STAMBPL1: variants seen among roughly 807,000 people sequenced by gnomAD.
STAMBPL1 encodes the protein AMSH-like protease.
Under a neutral mutation model 52.9 loss-of-function variants are expected in STAMBPL1, and 44 were observed. The ratio of observed to expected loss-of-function variants is 0.83; its 90% CI spans 0.65 to 1.07. STAMBPL1 has a LOEUF of 1.07. STAMBPL1 is among the 50% of genes least tolerant of loss of function. STAMBPL1 has a pLI of 0.00. For synonymous variants in STAMBPL1, 164 were observed against 177.3 expected, an observed-to-expected ratio of 0.92 and a Z score of 0.60; for missense variants, 511 against 520.8, an observed-to-expected ratio of 0.98 and a Z score of 0.18.
intron 1 of STAMBPL1, among the ~76,000 whole-genome samples, chr10:88,889,216 G>A (rs1198766341): frequency 1.3e-5 from 2 of 152,116 alleles, no homozygotes; most frequent in Non-Finnish European, 2.9e-5. Context: ...CAGTGTGTGT[G>A]TATATATTAA....
intron 2 of STAMBPL1, 80 bp from the exon 3 acceptor site, chr10:88,905,363 A>C (rs1845045322): frequency 4.5e-6 from 5 of 1,103,060 alleles, no homozygotes; most frequent in Non-Finnish European, 6.9e-6. Context: ...CCTCATAAAG[A>C]ACATATGTCC....
At chr10:88,901,256 T>C (rs1182495542) in intron 1 of STAMBPL1, 5 of 152,610 alleles carry the variant, frequency 3.3e-5, no homozygotes, top group East Asian at 3.8e-4. Context: ...CTGCCTGTTA[T>C]AGTTCTAAGG....
At chr10:88,906,909 A>C (rs2072861665) in intron 3 of STAMBPL1, among the ~76,000 whole-genome samples, 4 of 152,214 alleles carry the variant, frequency 2.6e-5, no homozygotes. Flanking sequence ...CCCAAGCTGC[A>C]TAATTATGCA....
chr10:88,881,371 A>C (rs1844401738), intron 1 of STAMBPL1, among the ~76,000 whole-genome samples: 1 of 152,070 alleles, frequency 6.6e-6, no homozygotes, highest in Non-Finnish European at 1.5e-5. Context: ...AACGGAACCC[A>C]ATCTAGAGGT....
chr10:88,923,037 T>G, intron 10 of STAMBPL1, 131 bp from the exon 11 acceptor site: 1 of 667,348 alleles, frequency 1.5e-6, no homozygotes, highest in East Asian at 2.9e-5. Flanking sequence ...GTATTTGTTC[T>G]GATTGGAAAT....
chr10:88,914,321 AT>A (rs1845312017), intron 6 of STAMBPL1, among the ~76,000 whole-genome samples: 1 of 152,128 alleles, frequency 6.6e-6, no homozygotes, highest in African/African-American at 2.4e-5. Context: ...GTACCTTCTG[AT>A]TTTGCTTATA....
At chr10:88,921,201 A>G in intron 8 of STAMBPL1, 82 bp from the exon 9 acceptor site, 1 of 1,146,898 alleles carries the variant, frequency 8.7e-7, no homozygotes, top group Non-Finnish European at 1.2e-6. Flanking sequence ...AACTAAAAAA[A>G]AACAGAGTTT....
At chr10:88,901,430 A>G in intron 1 of STAMBPL1, 1 of 318,492 alleles carries the variant, frequency 3.1e-6, no homozygotes. Flanking sequence ...TCAAATGTGA[A>G]TTATTTTCAC....
At chr10:88,882,134 A>G (rs1844420698) in intron 1 of STAMBPL1, 2 of 152,208 alleles carry the variant, frequency 1.3e-5, no homozygotes, top group African/African-American at 4.8e-5. Context: ...CCTCACCTAT[A>G]AAGTAAGCAC....
In STAMBPL1 at chr10:88,913,867, A is replaced by G. The variant is rs559482492; in HGVS notation, c.778+409A>G. Among the ~76,000 whole-genome samples, 4 of 152,298 alleles carry G rather than the reference A, an allele frequency of 2.6e-5. No individual in the cohort carries two copies. In the South Asian group the frequency reaches 8.3e-4, roughly 32 times the overall value. Reference sequence around the variant, plus strand: ...GCTCAGCAATAAATGTTTATACTCAATATGTTTAGCATCATCCTTGGACTG... The same window carrying G: ...GCTCAGCAATAAATGTTTATACTCAGTATGTTTAGCATCATCCTTGGACTG... On this transcript the variant is annotated intron_variant, in intron 6 of 10. Transcript: ENST00000371926.
At chr10:88,905,160 T>C (rs1311047734) in intron 2 of STAMBPL1, among the ~76,000 whole-genome samples, 1 of 152,142 alleles carries the variant, frequency 6.6e-6, no homozygotes, top group African/African-American at 2.4e-5. Flanking sequence ...TAAAATGACC[T>C]GAAACATTTG....
chr10:88,893,810 T>C (rs532205575), intron 1 of STAMBPL1: 1 of 152,180 alleles, frequency 6.6e-6, no homozygotes, highest in Admixed American at 6.5e-5. Context: ...ATGAATCAGA[T>C]AGTTGTAATG....
chr10:88,897,249 T>C (rs187654315), intron 1 of STAMBPL1, among the ~76,000 whole-genome samples: 202 of 152,328 alleles, frequency 1.3e-3, no homozygotes, highest in African/African-American at 4.7e-3. Context: ...TGGGAGCTAC[T>C]TGTTAGCTGA....
chr10:88,905,315 A>G, intron 2 of STAMBPL1, 128 bp from the exon 3 acceptor site: 1 of 718,076 alleles, frequency 1.4e-6, no homozygotes, highest in Non-Finnish European at 2.3e-6. Flanking sequence ...TATATCATTA[A>G]CTTATGAAAA....
chr10:88,922,088 C>A (rs1016502544), intron 9 of STAMBPL1, among the ~76,000 whole-genome samples: 1 of 152,044 alleles, frequency 6.6e-6, no homozygotes, highest in Non-Finnish European at 1.5e-5. Context: ...CCTCTGGGGT[C>A]ACACACGATA....
intron 1 of STAMBPL1, among the ~76,000 whole-genome samples, chr10:88,895,373 T>C (rs572384579): frequency 1.8e-4 from 27 of 152,190 alleles, no homozygotes; most frequent in Non-Finnish European, 3.4e-4. Context: ...CTATCTCTAG[T>C]GGGACTGGGC....
intron 4 of STAMBPL1, 121 bp downstream of exon 4, chr10:88,908,898 T>C: frequency 1.3e-6 from 1 of 755,156 alleles, no homozygotes; most frequent in Non-Finnish European, 2.0e-6. Context: ...AGAAATTCAT[T>C]CCATTAACTA....
In STAMBPL1 at chr10:88,901,735, T is replaced by C. The variant is rs1212568664; in HGVS notation, c.27T>C (p.Ser9=). The change falls in exon 2 of 11, where the codon TCT becomes TCC. Residue 9 remains serine (S), a synonymous_variant. Coordinates refer to ENST00000371926, the MANE Select transcript of STAMBPL1 (RefSeq NM_020799.4). MDQPFTVN[S]LKKLAAMPDH... is the part of the protein sequence containing the mutation. ...TGGATCAGCCTTTTACTGTGAATTC[T>C]CTGGTAGGTCACACCAGCTGATATC... The C allele has an allele frequency of 4.3e-6, 7 of 1,612,492 alleles. No individual in the cohort carries two copies. In the East Asian group the frequency reaches 1.6e-4, roughly 36 times the overall value.
At chr10:88,882,331 A>G (rs1453663665) in intron 1 of STAMBPL1, 1 of 152,180 alleles carries the variant, frequency 6.6e-6, no homozygotes, top group Non-Finnish European at 1.5e-5. Context: ...TGGAGGAGAG[A>G]GTGTCTTTGG....
Sources: gnomAD v4.1 joint callset for allele counts (sites outside exome capture counted in the v4.1 genomes callset) on GRCh38, gnomAD v4.1.1 for gene constraint, MANE v1.5 for transcripts, NCBI Gene and HGNC (gene_info 2026-07-23, HGNC 2026-07-21) for gene names.